Variants in JADE3 observed in about 807,000 individuals in gnomAD.
The protein encoded by JADE3 is protein Jade-3.
Under a neutral mutation model 50.1 loss-of-function variants are expected in JADE3, and 2 were observed. The observed-to-expected ratio is 0.04, with a 90% CI of 0.02 to 0.13. JADE3 has a LOEUF of 0.13. Among genes scored for constraint, JADE3 ranks in the 10% least tolerant of loss-of-function variants. JADE3 has a pLI of 1.00. For synonymous variants in JADE3, 218 were observed against 232.9 expected, an observed-to-expected ratio of 0.94 and a Z score of 0.58; for missense variants, 475 against 634.4, an observed-to-expected ratio of 0.75 and a Z score of 2.70.
intron 1 of JADE3, among the ~76,000 whole-genome samples, chrX:46,969,934 C>G (rs1416472737): frequency 3.6e-5 from 4 of 112,098 alleles, no homozygotes; most frequent in African/African-American, 1.3e-4. Context: ...AATGAATAAT[C>G]TAAGCTCCCA....
intron 1 of JADE3, among the ~76,000 whole-genome samples, chrX:46,926,088 C>T (rs1298900540): frequency 1.0e-5 from 1 of 97,909 alleles, no homozygotes; most frequent in Non-Finnish European, 1.9e-5. Context: ...AGAGATGGGA[C>T]CTTACTGTGT....
chrX:46,970,197 A>AT, intron 1 of JADE3, among the ~76,000 whole-genome samples: 1 of 111,917 alleles, frequency 8.9e-6, no homozygotes, highest in African/African-American at 3.2e-5. Flanking sequence ...GGCCAAATAC[A>AT]TTTTTTTGGG....
chrX:46,930,527 A>G (rs1352692178), intron 1 of JADE3, among the ~76,000 whole-genome samples: 2 of 112,275 alleles, frequency 1.8e-5, no homozygotes, highest in Non-Finnish European at 1.9e-5. Flanking sequence ...TTGTACTGCT[A>G]TATCCCCAGG....
At chrX:46,985,592 T>G in intron 2 of JADE3, 121 bp from the exon 3 acceptor site, 1 of 490,725 alleles carries the variant, frequency 2.0e-6, no homozygotes, top group East Asian at 3.7e-5. Flanking sequence ...TTCAGTGGTA[T>G]GAGCTCTCTG....
chrX:46,929,061 G>A (rs1288836028), intron 1 of JADE3, among the ~76,000 whole-genome samples: 1 of 112,194 alleles, frequency 8.9e-6, no homozygotes, highest in East Asian at 2.8e-4. Flanking sequence ...GGTAAAGTAT[G>A]GCTTCAGAGT....
chrX:46,971,517 C>T (rs1188850036), intron 1 of JADE3, among the ~76,000 whole-genome samples: 5 of 108,987 alleles, frequency 4.6e-5, no homozygotes, highest in African/African-American at 1.3e-4. Context: ...TAAAGCAGGC[C>T]GGGCACAGTG....
chrX:46,938,975 G>C (rs896849525), intron 1 of JADE3, among the ~76,000 whole-genome samples: 1 of 112,008 alleles, frequency 8.9e-6, no homozygotes, highest in African/African-American at 3.2e-5. Flanking sequence ...CTACAGGCAC[G>C]TGCCACCATG....
intron 1 of JADE3, among the ~76,000 whole-genome samples, chrX:46,920,187 C>T (rs1556337403): frequency 6.3e-5 from 7 of 111,986 alleles, no homozygotes; most frequent in Non-Finnish European, 3.8e-5. Context: ...CCATAGACTC[C>T]TATCCGAGTT....
intron 1 of JADE3, among the ~76,000 whole-genome samples, chrX:46,919,761 A>G (rs918002836): frequency 1.8e-5 from 2 of 111,528 alleles, no homozygotes; most frequent in Admixed American, 1.9e-4. Flanking sequence ...ACATTCCCCC[A>G]GAAAATTGCC....
intron 1 of JADE3, among the ~76,000 whole-genome samples, chrX:46,915,631 C>T (rs1556336135): frequency 1.8e-5 from 2 of 111,235 alleles, no homozygotes; most frequent in African/African-American, 6.5e-5. Flanking sequence ...TTTGAGTTTT[C>T]TGATTTCTGG....
At chrX:46,919,459 A>G (rs1358086964) in intron 1 of JADE3, among the ~76,000 whole-genome samples, 1 of 112,286 alleles carries the variant, frequency 8.9e-6, no homozygotes, top group African/African-American at 3.2e-5. Flanking sequence ...GGTAATAAGG[A>G]CAAGGGATTC....
At chrX:46,917,856 A>C (rs1219194137) in intron 1 of JADE3, among the ~76,000 whole-genome samples, 125 of 8,038 alleles carry the variant, frequency 0.016, 1 homozygote, top group Non-Finnish European at 0.022. Context: ...TCTCTCTCTC[A>C]TCCTCTCTCT....
chrX:46,971,575 C>G (rs1300073816), intron 1 of JADE3, among the ~76,000 whole-genome samples: 2 of 106,347 alleles, frequency 1.9e-5, no homozygotes, highest in African/African-American at 3.4e-5. Flanking sequence ...GCGGGCAGAT[C>G]ACGAGGTCAG....
At chrX:47,005,358 A>G (rs1397310603) in intron 4 of JADE3, among the ~76,000 whole-genome samples, 1 of 111,197 alleles carries the variant, frequency 9.0e-6, no homozygotes, top group Non-Finnish European at 1.9e-5. Context: ...CTCCTGCCTC[A>G]GCCTCCCAAG....
At chrX:46,916,049 TTTTTG>T (rs781846975) in intron 1 of JADE3, among the ~76,000 whole-genome samples, 34 of 112,086 alleles carry the variant, frequency 3.0e-4, no homozygotes, top group Middle Eastern at 4.7e-3. Flanking sequence ...AGAATGTGTT[TTTTTG>T]TTTTGTTTTG....
Position 47,059,464 on chromosome X carries a change from C to G in JADE3, c.*387C>G, listed in dbSNP as rs1929713565. On this transcript the variant is annotated 3_prime_UTR_variant, in exon 11 of 11. Transcript: ENST00000614628. ...CACTAAAACTACTTATCTTTTGAAG[C>G]TACAGCATGTGACTCCCCAGAGCTC... 1 of 124,769 alleles carries G rather than the reference C, an allele frequency of 8.0e-6. No individual in the cohort carries two copies. The highest frequency in any genetic ancestry group is 1.6e-5 in the Non-Finnish European group (1 of 62,139). The allele number at this position is 124,769 out of a possible 1,213,427, so 10.3% of individuals were successfully genotyped here.
chrX:46,973,972 A>G (rs1469749284), intron 1 of JADE3, among the ~76,000 whole-genome samples: 1 of 111,262 alleles, frequency 9.0e-6, no homozygotes. Flanking sequence ...CCCAGCTACT[A>G]GGGAGGCTGA....
intron 1 of JADE3, among the ~76,000 whole-genome samples, chrX:46,916,049 TTTTTGTTTTGTTTTG>T (rs781846975): frequency 1.8e-5 from 2 of 112,038 alleles, no homozygotes; most frequent in Non-Finnish European, 3.8e-5. Context: ...AGAATGTGTT[TTTTTGTTTTGTTTTG>T]TTTTGTTTTG....
intron 1 of JADE3, among the ~76,000 whole-genome samples, chrX:46,952,036 C>G (rs1556345255): frequency 9.0e-6 from 1 of 111,424 alleles, no homozygotes; most frequent in Non-Finnish European, 1.9e-5. Flanking sequence ...GTAGCTGAAA[C>G]TATAGGTGCA....
Sources: gnomAD v4.1 joint callset for allele counts (sites outside exome capture counted in the v4.1 genomes callset) on GRCh38, gnomAD v4.1.1 for gene constraint, MANE v1.5 for transcripts, NCBI Gene and HGNC (gene_info 2026-07-23, HGNC 2026-07-21) for gene names.